The following ABCA12 variants were observed in gnomAD, a reference collection of about 807,000 sequenced individuals.
ABCA12 encodes ATP binding cassette subfamily A member 12, also known as glucosylceramide transporter ABCA12.
In ABCA12, 156 loss-of-function variants were observed where a neutral mutation model predicts 293.5. That is an observed-to-expected ratio of 0.53 (90% CI 0.47 to 0.61). The LOEUF is 0.61. Ranked by LOEUF, ABCA12 falls within the 20% of genes least tolerant of loss-of-function variation. The pLI is 0.00. For missense variants in ABCA12, 2,797 were observed against 3,090.2 expected (o/e 0.91, Z 2.25); for synonymous variants, 1,063 against 1,108.0 (o/e 0.96, Z 0.81).
intron 39 of ABCA12, chr2:214,963,047 GAAGAT>G (rs898332437): frequency 1.3e-5 from 2 of 152,004 alleles, no homozygotes; most frequent in African/African-American, 4.8e-5. Flanking sequence ...AAAGCTAGCA[GAAGAT>G]AAGAAATAAC....
Position 214,989,530 on chromosome 2 carries a change from G to C in ABCA12, c.3694+22C>G, listed in dbSNP as rs368617702. The C allele has an allele frequency of 3.7e-6, 6 of 1,613,902 alleles. No homozygotes were observed. In the Admixed American group the frequency reaches 6.7e-5, roughly 18 times the overall value. On this transcript the variant is annotated intron_variant, in intron 25 of 52. Coordinates refer to ENST00000272895, the MANE Select transcript of ABCA12 (RefSeq NM_173076.3). ...GCACAGTTGTGAAAGATAAAATCCA[G>C]TTTTAAAGAAAGGGGACCTACCAAT...
intron 39 of ABCA12, among the ~76,000 whole-genome samples, chr2:214,966,111 T>C (rs1386661648): frequency 6.6e-6 from 1 of 152,102 alleles, no homozygotes; most frequent in Non-Finnish European, 1.5e-5. Flanking sequence ...TGGAAGCCAT[T>C]ATCCTCAGCA....
intron 16 of ABCA12, 146 bp downstream of exon 16, chr2:215,011,825 A>G: frequency 8.5e-7 from 1 of 1,180,010 alleles, no homozygotes; most frequent in Non-Finnish European, 1.2e-6. Flanking sequence ...TTAAAGTGGC[A>G]AAAAGTGTTG....
intron 1 of ABCA12, among the ~76,000 whole-genome samples, chr2:215,134,410 A>T (rs28533119): frequency 6.9e-6 from 1 of 144,962 alleles, no homozygotes; most frequent in African/African-American, 2.5e-5. Context: ...GTATATATGT[A>T]TATATGTACA....
intron 28 of ABCA12, among the ~76,000 whole-genome samples, chr2:214,984,965 C>A (rs944754071): frequency 6.6e-6 from 1 of 152,110 alleles, no homozygotes; most frequent in Non-Finnish European, 1.5e-5. Context: ...TTATTTAATA[C>A]CCATCTCCTC....
chr2:215,001,106 CAAA>C, intron 21 of ABCA12, 86 bp from the exon 22 acceptor site: 1 of 1,317,232 alleles, frequency 7.6e-7, no homozygotes, highest in Non-Finnish European at 1.1e-6. Context: ...AGGGGACAGC[CAAA>C]CAGTCAATTG....
chr2:214,975,678 G>A, intron 34 of ABCA12, 107 bp downstream of exon 34: 1 of 1,454,126 alleles, frequency 6.9e-7, no homozygotes. Context: ...CAGGTACCAT[G>A]GCTTCTAAGT....
At chr2:214,938,033 G>T (rs1264901028) in intron 50 of ABCA12, among the ~76,000 whole-genome samples, 1 of 152,010 alleles carries the variant, frequency 6.6e-6, no homozygotes, top group Non-Finnish European at 1.5e-5. Flanking sequence ...GTATACATGT[G>T]CCGTGGTGGT....
At position 214,947,488 on chromosome 2, in the gene ABCA12, A is replaced by G; in HGVS notation, c.7173T>C (p.Ser2391=). ...PFKDRATSMC[S]YGTKRKLSTA... ...TGGATAATTTTCTTTTTGTGCCATA[A>G]CTGCACATAGAGGTAGCTCTGTCCT... is the stretch of plus-strand genomic sequence containing the variant. Residue 2391 remains serine (S), a synonymous_variant, in exon 48 of 53, where the codon AGT becomes AGC. Coordinates refer to ENST00000272895, the MANE Select transcript of ABCA12 (RefSeq NM_173076.3). 6.2e-7 allele frequency: 1 copy of G among 1,613,992 alleles called. No homozygotes were observed. The highest frequency in any genetic ancestry group is 1.1e-5 in the South Asian group (1 of 91,080).
In ABCA12 at chr2:215,130,063, C is replaced by G. The variant is rs964287615; in HGVS notation, c.69+8077G>C. Among the ~76,000 whole-genome samples, 25 of 152,062 alleles carry G rather than the reference C, an allele frequency of 1.6e-4. 1 individual carries two copies. Among genetic ancestry groups the G allele is most frequent in the Admixed American group, 1.6e-3 (25 of 15,254 alleles). The stretch of plus-strand genomic sequence containing the variant: ...GTATGTGGCTTTATTTTGGGGTTCT[C>G]TATTCTGTTCCATTGATCTGTGTCT... On this transcript the variant is annotated intron_variant, in intron 1 of 52. Transcript: ENST00000272895.
intron 8 of ABCA12, among the ~76,000 whole-genome samples, chr2:215,036,222 G>T (rs545203672): frequency 6.6e-6 from 1 of 152,262 alleles, no homozygotes; most frequent in South Asian, 2.1e-4. Flanking sequence ...GCCTTCACAG[G>T]CATGCTTTCT....
intron 2 of ABCA12, among the ~76,000 whole-genome samples, chr2:215,087,630 G>T (rs1388209989): frequency 6.6e-6 from 1 of 151,996 alleles, no homozygotes; most frequent in Non-Finnish European, 1.5e-5. Context: ...CATGCACAGG[G>T]TATGATATTA....
intron 2 of ABCA12, among the ~76,000 whole-genome samples, chr2:215,087,838 A>C (rs1326053848): frequency 6.6e-6 from 1 of 152,188 alleles, no homozygotes; most frequent in Non-Finnish European, 1.5e-5. Flanking sequence ...AGTACCATAA[A>C]AGCCCCATGA....
chr2:215,003,913 C>T (rs547030524), intron 20 of ABCA12, among the ~76,000 whole-genome samples: 2 of 152,230 alleles, frequency 1.3e-5, no homozygotes, highest in Admixed American at 6.5e-5. Context: ...AGTGATCTGC[C>T]CGTGTCTGCC....
intron 31 of ABCA12, among the ~76,000 whole-genome samples, chr2:214,980,069 T>G (rs1440222559): frequency 6.6e-6 from 1 of 152,220 alleles, no homozygotes; most frequent in Non-Finnish European, 1.5e-5. Context: ...TATTTGCTTT[T>G]GATAAAGCAG....
chr2:214,935,300 A>G (rs1467650472), intron 51 of ABCA12, among the ~76,000 whole-genome samples: 1 of 152,088 alleles, frequency 6.6e-6, no homozygotes, highest in Non-Finnish European at 1.5e-5. Flanking sequence ...TTATCACTGC[A>G]TTTGCCTTGT....
Position 214,950,910 on chromosome 2 carries a change from T to C in ABCA12, c.6821A>G (p.Asn2274Ser). ...QLIHKKIIAV[N>S]NISIGIPAGE... Reference sequence around the variant, plus strand: ...AGCAGGTATCCCAATGCTGATGTTGTTTACAGCTATAATCTTTTTGTGGAT... The same window carrying C: ...AGCAGGTATCCCAATGCTGATGTTGCTTACAGCTATAATCTTTTTGTGGAT... The change falls in exon 45 of 53, where the codon AAC becomes AGC. Residue 2274 changes from asparagine to serine, a missense_variant. By Grantham distance (46) the Asn-to-Ser change is conservative. Around this residue, in one of 3 missense-constraint regions of ABCA12, gnomAD observed 2,130 missense variants for 2,427.0 expected, o/e 0.88. Transcript: ENST00000272895. 6.2e-7 allele frequency: 1 copy of C among 1,614,172 alleles called. No homozygotes were observed. Among genetic ancestry groups the C allele is most frequent in the Non-Finnish European group, 8.5e-7 (1 of 1,180,016 alleles).
At chr2:215,072,429 G>C (rs1701756183) in intron 2 of ABCA12, among the ~76,000 whole-genome samples, 1 of 152,118 alleles carries the variant, frequency 6.6e-6, no homozygotes, top group Non-Finnish European at 1.5e-5. Flanking sequence ...TTTTTTAAGG[G>C]AAGCAGAGTT....
chr2:215,075,591 C>G lies in ABCA12; in HGVS notation c.164-11372G>C, dbSNP rs114123205. ...AAAAAAATCTGGGCCATCCATCCAT[C>G]ACAAGTGTTCCAAGTAGAAGAATCC... On this transcript the variant is annotated intron_variant, in intron 2 of 52. Transcript: ENST00000272895. 1,139 of 696,552 alleles carry G rather than the reference C, an allele frequency of 1.6e-3. 5 individuals are homozygous for G. In the African/African-American group the frequency reaches 0.019, roughly 11 times the overall value. The allele number at this position is 696,552 out of a possible 1,614,324, so 43.1% of individuals were successfully genotyped here. A position where few individuals can be genotyped will look rare whatever the true frequency, so the allele number is the denominator to read the frequency against.
Sources: allele counts gnomAD v4.1 joint callset (sites outside exome capture counted in the v4.1 genomes callset), GRCh38; gene constraint gnomAD v4.1.1; regional missense constraint gnomAD v4.1.1; transcripts MANE v1.5; gene names NCBI Gene and HGNC (gene_info 2026-07-23, HGNC 2026-07-21).